Variants in DAB1 observed in about 807,000 individuals in gnomAD.
The protein encoded by DAB1 is DAB adaptor protein 1, also known as disabled homolog 1.
DAB1 carries 15 observed loss-of-function variants against 64.6 expected under a neutral mutation model. The observed-to-expected ratio is 0.23, with a 90% CI of 0.16 to 0.36. DAB1 has a LOEUF of 0.36. Ranked by LOEUF, DAB1 falls within the 10% of genes least tolerant of loss-of-function variation. DAB1 has a pLI of 1.00. For synonymous variants in DAB1, 235 were observed against 251.9 expected (o/e 0.93, Z 0.64); for missense variants, 596 against 706.7 (o/e 0.84, Z 1.78).
intron 2 of DAB1, among the ~76,000 whole-genome samples, chr1:57,287,998 G>C (rs1207598315): frequency 6.6e-6 from 1 of 152,006 alleles, no homozygotes; most frequent in Non-Finnish European, 1.5e-5. Context: ...GTTTCACTGT[G>C]TTGGCCAGGC....
chr1:58,163,421 G>A (rs1455726919), intron 4 of DAB1, among the ~76,000 whole-genome samples: 2 of 152,156 alleles, frequency 1.3e-5, no homozygotes, highest in African/African-American at 4.8e-5. Context: ...TGAAGAGATA[G>A]ACAAATCCTC....
At chr1:57,930,505 CCATGAA>C (rs1644938893) in intron 5 of DAB1, among the ~76,000 whole-genome samples, 1 of 152,184 alleles carries the variant, frequency 6.6e-6, no homozygotes, top group Non-Finnish European at 1.5e-5. Context: ...GTCTTCCTAG[CCATGAA>C]CATGAAGTAT....
At chr1:57,593,549 C>A (rs1645471023) in intron 7 of DAB1, among the ~76,000 whole-genome samples, 1 of 152,136 alleles carries the variant, frequency 6.6e-6, no homozygotes, top group Admixed American at 6.5e-5. Context: ...GATAAGTGTA[C>A]ACAAATGTTA....
chr1:57,585,815 T>C (rs1005763151), intron 7 of DAB1, among the ~76,000 whole-genome samples: 2 of 152,254 alleles, frequency 1.3e-5, no homozygotes, highest in African/African-American at 4.8e-5. Context: ...TAATAAGTTA[T>C]GGATAAATGT....
At chr1:58,506,493 G>A (rs1021014597) in intron 2 of DAB1, among the ~76,000 whole-genome samples, 3 of 152,026 alleles carry the variant, frequency 2.0e-5, no homozygotes, top group African/African-American at 7.2e-5. Flanking sequence ...CATGCCCATT[G>A]CTTAGAAAAA....
At chr1:58,506,136 G>A in exon 3 of DAB1, 1 of 871,438 alleles carries the variant, frequency 1.1e-6, no homozygotes, top group South Asian at 1.3e-5. Flanking sequence ...TGGCATCTTG[G>A]GTTGGCCATG....
At chr1:57,226,672 A>AAAAAAAT (rs747021990) in intron 2 of DAB1, among the ~76,000 whole-genome samples, 99 of 136,002 alleles carry the variant, frequency 7.3e-4, no homozygotes, top group African/African-American at 2.8e-3. Context: ...TTAAAAAAAA[A>AAAAAAAT]ATATATATAT....
chr1:57,424,046 C>A lies in DAB1; in HGVS notation c.-253G>T, dbSNP rs1024491373. ...TGCAGCCCGGGGAAGCCCGGGCGAG[C>A]GCCGAGCTGGGTCCATCCTCCCCGG... is the stretch of plus-strand genomic sequence containing the variant. On this transcript the variant is annotated 5_prime_UTR_variant, in exon 1 of 15. Coordinates refer to ENST00000371236, the MANE Select transcript of DAB1 (RefSeq NM_001365792.1). 6.6e-6 allele frequency: 1 copy of A among 152,300 alleles called. No individual in the cohort carries two copies. Among genetic ancestry groups the A allele is most frequent in the Non-Finnish European group, 1.5e-5 (1 of 67,848 alleles). The allele number at this position is 152,300 out of a possible 1,614,324, so 9.4% of individuals were successfully genotyped here. A position where few individuals can be genotyped will look rare whatever the true frequency, so the allele number is the denominator to read the frequency against.
rs191312719 is a variant in DAB1 at position 57,933,504 on chromosome 1, G to A, written n.388-49342C>T. Among the ~76,000 whole-genome samples, 5 of 152,072 alleles carry A rather than the reference G, an allele frequency of 3.3e-5. No homozygotes were observed. In the East Asian group the frequency reaches 5.8e-4, roughly 18 times the overall value. Reference sequence around the variant, plus strand: ...TATTGTAAGTACTCTTCTGTGTAATGCTTCTTTCACTCAGCATAATATTTT... The same window carrying A: ...TATTGTAAGTACTCTTCTGTGTAATACTTCTTTCACTCAGCATAATATTTT... On this transcript the variant is annotated intron_variant and non_coding_transcript_variant, in intron 5 of 20. Coordinates refer to the DAB1 transcript ENST00000485760.
At chr1:57,043,536 C>G (rs946019669) in intron 9 of DAB1, among the ~76,000 whole-genome samples, 1 of 152,328 alleles carries the variant, frequency 6.6e-6, no homozygotes, top group Admixed American at 6.5e-5. Context: ...AAAGAGAGGT[C>G]AAAGTGGTCT....
chr1:57,399,291 A>T (rs1683054569), intron 1 of DAB1, among the ~76,000 whole-genome samples: 1 of 152,184 alleles, frequency 6.6e-6, no homozygotes, highest in African/African-American at 2.4e-5. Flanking sequence ...CACTGTGCAC[A>T]GCACCAAGCA....
At chr1:57,967,207 C>T (rs986664409) in intron 5 of DAB1, among the ~76,000 whole-genome samples, 1 of 152,184 alleles carries the variant, frequency 6.6e-6, no homozygotes, top group African/African-American at 2.4e-5. Context: ...GCCAGACTGT[C>T]TTGCCTATTT....
intron 5 of DAB1, chr1:58,080,411 C>T (rs551707894): frequency 5.9e-5 from 9 of 152,126 alleles, no homozygotes; most frequent in African/African-American, 2.2e-4. Flanking sequence ...GGTAAGCACC[C>T]GGAATAACAG....
chr1:57,885,702 C>CA (rs1404399240), upstream of DAB1, among the ~76,000 whole-genome samples: 2 of 152,102 alleles, frequency 1.3e-5, no homozygotes, highest in Non-Finnish European at 2.9e-5. Context: ...GTCAGAGCTG[C>CA]AAAATTGAAA....
intron 4 of DAB1, among the ~76,000 whole-genome samples, chr1:58,212,640 C>T (rs115711641): frequency 0.011 from 1,656 of 152,234 alleles, 30 homozygotes; most frequent in African/African-American, 0.038. Context: ...AAGATAAATG[C>T]AGCTGGTGGG....
intron 2 of DAB1, among the ~76,000 whole-genome samples, chr1:58,524,246 G>A (rs533499084): frequency 2.6e-5 from 4 of 152,130 alleles, no homozygotes; most frequent in African/African-American, 4.8e-5. Flanking sequence ...AACCTGTTCC[G>A]GCAGCTATTC....
At chr1:58,417,907 TG>T (rs1644736976) in intron 3 of DAB1, among the ~76,000 whole-genome samples, 1 of 152,206 alleles carries the variant, frequency 6.6e-6, no homozygotes, top group Admixed American at 6.5e-5. Flanking sequence ...GTGAAAGTGC[TG>T]GGTTCTCTCA....
intron 3 of DAB1, among the ~76,000 whole-genome samples, chr1:58,420,647 C>A (rs993409564): frequency 1.3e-5 from 2 of 152,158 alleles, no homozygotes; most frequent in Non-Finnish European, 2.9e-5. Context: ...GAGTCCAAAT[C>A]CTGACTCTGT....
At chr1:57,180,603 A>G (rs969007226) in intron 2 of DAB1, among the ~76,000 whole-genome samples, 3 of 152,156 alleles carry the variant, frequency 2.0e-5, no homozygotes, top group Non-Finnish European at 4.4e-5. Flanking sequence ...TTGTTCCTAG[A>G]TAACAATGAC....
Sources: gnomAD v4.1 joint callset for allele counts (sites outside exome capture counted in the v4.1 genomes callset) on GRCh38, gnomAD v4.1.1 for gene constraint, MANE v1.5 for transcripts, NCBI Gene and HGNC (gene_info 2026-07-23, HGNC 2026-07-21) for gene names.